PEBP4: variants seen among roughly 807,000 people sequenced by gnomAD.
PEBP4 encodes phosphatidylethanolamine binding protein 4.
PEBP4 carries 22 observed loss-of-function variants against 23.9 expected under a neutral mutation model. The observed-to-expected ratio is 0.92, with a 90% confidence interval of 0.66 to 1.31. The LOEUF is 1.31. Ranked by LOEUF, PEBP4 falls within the 40% of genes most tolerant of loss-of-function variation. The pLI, the probability that PEBP4 is intolerant of heterozygous loss-of-function variation, is 0.00. For missense variants in PEBP4, 324 were observed against 281.7 expected, an observed-to-expected ratio of 1.15 and a Z score of -1.07; for synonymous variants, 112 against 99.3, an observed-to-expected ratio of 1.13 and a Z score of -0.76.
At chr8:22,752,539 C>G (rs1424464489) in intron 4 of PEBP4, among the ~76,000 whole-genome samples, 3 of 152,184 alleles carry the variant, frequency 2.0e-5, no homozygotes, top group African/African-American at 7.2e-5. Flanking sequence ...AGTCATATAC[C>G]AAGACTGCGC....
intron 3 of PEBP4, among the ~76,000 whole-genome samples, chr8:22,828,914 C>G (rs1807028236): frequency 6.6e-6 from 1 of 152,160 alleles, no homozygotes. Flanking sequence ...GCTTGTCATC[C>G]CCCAAACGGC....
intron 3 of PEBP4, among the ~76,000 whole-genome samples, chr8:22,911,955 A>AGCG (rs1481462475): frequency 3.3e-5 from 5 of 152,148 alleles, no homozygotes; most frequent in Admixed American, 6.5e-5. Context: ...AGTGGATGTC[A>AGCG]GCGGCCCAAT....
In PEBP4 at chr8:22,805,077, G is replaced by A. The variant is rs190110006; in HGVS notation, c.357+12560C>T. On this transcript the variant is annotated intron_variant, in intron 4 of 6. Coordinates refer to ENST00000256404, the MANE Select transcript of PEBP4 (RefSeq NM_144962.3). ...CTCCCCACTCTGTAATGGAGTCATTGATTTTTCTCCTCTGCTCCCCTCACC... is the reference window on the plus strand; with the variant it reads ...CTCCCCACTCTGTAATGGAGTCATTAATTTTTCTCCTCTGCTCCCCTCACC... Among the ~76,000 whole-genome samples, 25 of 152,252 alleles carry A rather than the reference G, an allele frequency of 1.6e-4. No homozygotes were observed. In the East Asian group the frequency reaches 3.5e-3, roughly 21 times the overall value.
intron 6 of PEBP4, among the ~76,000 whole-genome samples, chr8:22,720,538 C>T (rs1804497525): frequency 6.6e-6 from 1 of 152,178 alleles, no homozygotes; most frequent in African/African-American, 2.4e-5. Flanking sequence ...AAAGATGTCC[C>T]CCTCAGAGGG....
At chr8:22,765,179 C>T (rs544714738) in intron 4 of PEBP4, among the ~76,000 whole-genome samples, 9 of 145,856 alleles carry the variant, frequency 6.2e-5, no homozygotes, top group South Asian at 4.3e-4. Flanking sequence ...CATCTTGATG[C>T]GACGTCCAGG....
chr8:22,819,009 T>C (rs539079759), intron 3 of PEBP4, among the ~76,000 whole-genome samples: 45 of 152,298 alleles, frequency 3.0e-4, no homozygotes, highest in African/African-American at 1.0e-3. Flanking sequence ...CTGGTTTAGA[T>C]ATCTTGAGTT....
intron 4 of PEBP4, among the ~76,000 whole-genome samples, chr8:22,801,695 A>ACACACATGCAATG (rs1806385037): frequency 6.6e-6 from 1 of 152,182 alleles, no homozygotes; most frequent in East Asian, 1.9e-4. Context: ...ATGGGCATCT[A>ACACACATGCAATG]CACACATGCA....
At position 22,933,106 on chromosome 8, in the gene PEBP4, G is replaced by T. The variant is rs11997563; in HGVS notation, c.145-5386C>A. On this transcript the variant is annotated intron_variant, in intron 1 of 1. Transcript: ENST00000522278. ...GGAGGAGATAGTAGCTCAAGCCCCA[G>T]CTCTTCCTTAAACTCAAAGAAGGAG... Among the ~76,000 whole-genome samples the T allele has an allele frequency of 3.8e-3, 574 of 152,084 alleles. 3 individuals are homozygous for T. Among genetic ancestry groups the T allele is most frequent in the African/African-American group, 0.013 (550 of 41,454 alleles).
chr8:22,892,405 CCATA>C (rs1323016976), intron 3 of PEBP4, among the ~76,000 whole-genome samples: 1 of 152,180 alleles, frequency 6.6e-6, no homozygotes, highest in Non-Finnish European at 1.5e-5. Flanking sequence ...AACAAAAACT[CCATA>C]CTTACCTCTG....
At chr8:22,856,049 A>AG in intron 3 of PEBP4, among the ~76,000 whole-genome samples, 1 of 104,106 alleles carries the variant, frequency 9.6e-6, no homozygotes, top group South Asian at 2.5e-4. Flanking sequence ...CCCTGTCTCA[A>AG]AAAAAAAAAA....
chr8:22,810,041 A>T (rs1395052523), intron 4 of PEBP4, among the ~76,000 whole-genome samples: 1 of 152,232 alleles, frequency 6.6e-6, no homozygotes, highest in Non-Finnish European at 1.5e-5. Context: ...GTTCTTCCTC[A>T]TAAGGGACCA....
At position 22,913,985 on chromosome 8, in the gene PEBP4, C is replaced by CTT. The variant is rs1165242168; in HGVS notation, c.258+6197_258+6198dup. ...AGGTGTGAACTACCAGGCCTGGCTA[C>CTT]TTTTTTTTTTTTTTTTTTTTGAGAC... is the stretch of plus-strand genomic sequence containing the variant. On this transcript the variant is annotated intron_variant, in intron 3 of 6. Transcript: ENST00000256404. Among the ~76,000 whole-genome samples, 580 of 123,076 alleles carry CTT rather than the reference C, an allele frequency of 4.7e-3. 8 individuals carry two copies. Among genetic ancestry groups the CTT allele is most frequent in the East Asian group, 0.018 (80 of 4,348 alleles). 80.7% of individuals were successfully genotyped at this position (123,076 alleles called of 152,430 possible). A position where few individuals can be genotyped will look rare whatever the true frequency, so the allele number is the denominator to read the frequency against.
Position 22,829,935 on chromosome 8 carries a change from G to C in PEBP4, c.259-12200C>G, listed in dbSNP as rs1029683444. 2.0e-5 allele frequency among the ~76,000 whole-genome samples: 3 copies of C among 152,138 alleles called. 1 individual carries two copies. In the East Asian group the frequency reaches 5.8e-4, roughly 29 times the overall value. On this transcript the variant is annotated intron_variant, in intron 3 of 6. Transcript: ENST00000256404. ...CCCTTGCTAAGATCACCACCTCCAT[G>C]TCACCAAATCCAATGGATGTTTTCC...
intron 6 of PEBP4, among the ~76,000 whole-genome samples, chr8:22,723,819 C>A (rs1441539932): frequency 6.6e-6 from 1 of 152,200 alleles, no homozygotes; most frequent in Non-Finnish European, 1.5e-5. Context: ...GGGCCCTGCT[C>A]GGCACATCTG....
intron 4 of PEBP4, among the ~76,000 whole-genome samples, chr8:22,802,187 C>T (rs1181070348): frequency 2.6e-5 from 4 of 152,196 alleles, no homozygotes; most frequent in Admixed American, 2.0e-4. Flanking sequence ...GTGTTGCTCT[C>T]TCCCGACTCT....
intron 4 of PEBP4, among the ~76,000 whole-genome samples, chr8:22,736,061 G>A (rs574674516): frequency 1.3e-4 from 20 of 152,252 alleles, no homozygotes; most frequent in African/African-American, 4.8e-4. Flanking sequence ...TGCCTCTGGG[G>A]CCTGTACTGG....
At chr8:22,724,233 CT>C (rs1457217417) in intron 6 of PEBP4, among the ~76,000 whole-genome samples, 1 of 152,212 alleles carries the variant, frequency 6.6e-6, no homozygotes, top group Admixed American at 6.5e-5. Flanking sequence ...GCCACCGCTC[CT>C]GCTCCCTGGC....
At chr8:22,909,932 G>A (rs1315467490) in intron 3 of PEBP4, among the ~76,000 whole-genome samples, 1 of 152,260 alleles carries the variant, frequency 6.6e-6, no homozygotes, top group East Asian at 1.9e-4. Flanking sequence ...GAGGGCTGGA[G>A]TGGGTGGGAA....
chr8:22,752,424 C>T (rs1805288283), intron 4 of PEBP4, among the ~76,000 whole-genome samples: 1 of 152,192 alleles, frequency 6.6e-6, no homozygotes, highest in South Asian at 2.1e-4. Flanking sequence ...GGCCATAGAC[C>T]CTGTGGAAGC....
Sources: gnomAD v4.1 joint callset for allele counts (sites outside exome capture counted in the v4.1 genomes callset) on GRCh38, gnomAD v4.1.1 for gene constraint, MANE v1.5 for transcripts, NCBI Gene and HGNC (gene_info 2026-07-23, HGNC 2026-07-21) for gene names.